The following GLIPR1L2 variants were observed in gnomAD, a reference collection of about 807,000 sequenced individuals.
GLIPR1L2 encodes GLIPR1-like protein 2.
GLIPR1L2 carries 21 observed loss-of-function variants against 28.4 expected under a neutral mutation model. The observed-to-expected ratio is 0.74, with a 90% CI of 0.52 to 1.06. The LOEUF (loss-of-function observed/expected upper bound fraction) is 1.06. Among genes scored for constraint, GLIPR1L2 ranks in the 50% least tolerant of loss-of-function variants. GLIPR1L2 has a pLI of 0.00. For synonymous variants in GLIPR1L2, 145 were observed against 139.3 expected, an observed-to-expected ratio of 1.04 and a Z score of -0.29; for missense variants, 476 against 416.9, an observed-to-expected ratio of 1.14 and a Z score of -1.23.
chr12:75,410,966 C>A (rs1249975626), intron 2 of GLIPR1L2, among the ~76,000 whole-genome samples: 1 of 151,646 alleles, frequency 6.6e-6, no homozygotes, highest in African/African-American at 2.4e-5. Context: ...GGAAAGAAAC[C>A]AGTAAATAAA....
rs983685383 is a variant in GLIPR1L2 at position 75,432,120 on chromosome 12, G to A, written c.*959G>A. The stretch of plus-strand genomic sequence containing the variant: ...TGTGAAGTACACTAAGCAAACACCT[G>A]AGGGAAAAACTTGATTCCCATGAAA... On this transcript the variant is annotated 3_prime_UTR_variant, in exon 6 of 6. Transcript: ENST00000550916. 2 of 152,112 alleles carry A rather than the reference G, an allele frequency of 1.3e-5. No individual in the cohort carries two copies. Among genetic ancestry groups the A allele is most frequent in the African/African-American group, 4.8e-5 (2 of 41,432 alleles). The allele number at this position is 152,112 out of a possible 1,614,324, so 9.4% of individuals were successfully genotyped here. A position where few individuals can be genotyped will look rare whatever the true frequency, so the allele number is the denominator to read the frequency against.
chr12:75,425,165 A>T (rs2046021473), intron 4 of GLIPR1L2, among the ~76,000 whole-genome samples: 1 of 152,134 alleles, frequency 6.6e-6, no homozygotes, highest in Non-Finnish European at 1.5e-5. Flanking sequence ...GGGATGACTC[A>T]GTATGTAGCA....
At position 75,413,665 on chromosome 12, in the gene GLIPR1L2, T is replaced by C; in HGVS notation, c.548T>C (p.Ile183Thr). 2 of 1,554,746 alleles carry C rather than the reference T, an allele frequency of 1.3e-6. No individual in the cohort carries two copies. The highest frequency in any genetic ancestry group is 8.7e-7 in the Non-Finnish European group (1 of 1,152,634). ...CCATGTTCAAAAATTGGACATATTA[T>C]ACATGCAGCAATTTTCATATGCAAC... ...VTPCSKIGHIIHAAIFICNYA... is the reference protein window; with the variant it reads ...VTPCSKIGHITHAAIFICNYA... Residue 183 changes from isoleucine (I) to threonine (T), a missense_variant, in exon 3 of 6, where the codon ATA (isoleucine) becomes ACA (threonine). Ile to Thr is a moderately conservative substitution (Grantham distance 89, BLOSUM62 -1). Coordinates refer to ENST00000550916, the MANE Select transcript of GLIPR1L2 (RefSeq NM_001270396.2).
At chr12:75,399,916 T>C (rs996779042) in intron 1 of GLIPR1L2, among the ~76,000 whole-genome samples, 1 of 152,164 alleles carries the variant, frequency 6.6e-6, no homozygotes, top group Non-Finnish European at 1.5e-5. Context: ...CCATTTCTGG[T>C]ATCTATCCTA....
chr12:75,410,752 A>G, intron 2 of GLIPR1L2, 73 bp downstream of exon 2: 1 of 1,105,878 alleles, frequency 9.0e-7, no homozygotes, highest in Non-Finnish European at 1.3e-6. Context: ...TTATGTTTCA[A>G]ATTTGTACAT....
intron 4 of GLIPR1L2, among the ~76,000 whole-genome samples, chr12:75,424,965 T>C (rs2046018850): frequency 6.6e-6 from 1 of 151,884 alleles, no homozygotes; most frequent in South Asian, 2.1e-4. Context: ...TGTTAGAGCC[T>C]AAACAGCATA....
chr12:75,400,294 T>G (rs2045726201), intron 1 of GLIPR1L2, among the ~76,000 whole-genome samples: 1 of 151,998 alleles, frequency 6.6e-6, no homozygotes, highest in African/African-American at 2.4e-5. Context: ...AATTTTTTTT[T>G]GTATTTTTTT....
chr12:75,418,211 C>T (rs146542225), intron 3 of GLIPR1L2, among the ~76,000 whole-genome samples: 6 of 152,080 alleles, frequency 3.9e-5, no homozygotes, highest in East Asian at 1.9e-4. Flanking sequence ...ATAAAGTTGG[C>T]GTTTAAAATC....
chr12:75,416,605 A>C (rs74108775), intron 3 of GLIPR1L2, among the ~76,000 whole-genome samples: 2 of 152,118 alleles, frequency 1.3e-5, no homozygotes, highest in Non-Finnish European at 2.9e-5. Context: ...CGCTGCTGAG[A>C]GAATGAGAAA....
chr12:75,430,932 T>C lies in GLIPR1L2; in HGVS notation c.806T>C (p.Ile269Thr), dbSNP rs1202426696. 5.2e-6 allele frequency: 8 copies of C among 1,535,566 alleles called. No individual in the cohort carries two copies. The highest frequency in any genetic ancestry group is 4.9e-5 in the East Asian group (2 of 40,902). ...LRILCFILCV[I>T]TVLIVQSQFP... ...ATATTATGTTTTATCCTGTGTGTCA[T>C]AACTGTTTTGATAGTACAGTCTCAG... Residue 269 changes from isoleucine to threonine, a missense_variant, in exon 6 of 6, where the codon ATA (isoleucine) becomes ACA (threonine). Transcript: ENST00000550916.
intron 2 of GLIPR1L2, 124 bp downstream of exon 2, chr12:75,410,803 A>G: frequency 2.8e-6 from 2 of 706,362 alleles, no homozygotes; most frequent in East Asian, 2.9e-5. Flanking sequence ...TAAGATCACA[A>G]TTTTAATCAA....
intron 2 of GLIPR1L2, 95 bp downstream of exon 2, chr12:75,410,774 A>G: frequency 1.1e-6 from 1 of 921,990 alleles, no homozygotes; most frequent in Non-Finnish European, 1.6e-6. Flanking sequence ...AACTCAAATA[A>G]TAAAATTATC....
intron 1 of GLIPR1L2, among the ~76,000 whole-genome samples, chr12:75,395,369 T>G (rs913081129): frequency 2.0e-5 from 3 of 152,022 alleles, no homozygotes; most frequent in East Asian, 1.9e-4. Flanking sequence ...TGAAGATTTT[T>G]ATATTAATAT....
intron 1 of GLIPR1L2, among the ~76,000 whole-genome samples, chr12:75,409,691 A>G (rs972509886): frequency 2.0e-5 from 3 of 146,778 alleles, no homozygotes; most frequent in Admixed American, 6.9e-5. Flanking sequence ...TAAGGTATAT[A>G]TCTAATCCGA....
At chr12:75,427,451 A>G (rs2139967412) in intron 4 of GLIPR1L2, among the ~76,000 whole-genome samples, 2 of 152,340 alleles carry the variant, frequency 1.3e-5, no homozygotes, top group East Asian at 3.9e-4. Context: ...AATAACGGCA[A>G]AGATCCAAAG....
intron 4 of GLIPR1L2, among the ~76,000 whole-genome samples, chr12:75,428,850 C>T (rs1322378453): frequency 2.6e-5 from 4 of 152,206 alleles, no homozygotes; most frequent in Admixed American, 6.5e-5. Flanking sequence ...CTTGGTAGCA[C>T]CTTGGCAGCA....
intron 3 of GLIPR1L2, among the ~76,000 whole-genome samples, chr12:75,421,961 C>A (rs2045980336): frequency 6.7e-6 from 1 of 149,324 alleles, no homozygotes; most frequent in Admixed American, 6.8e-5. Flanking sequence ...ATAAAAAATT[C>A]TATATCATTT....
intron 1 of GLIPR1L2, among the ~76,000 whole-genome samples, chr12:75,396,396 A>G (rs1184066205): frequency 2.0e-5 from 3 of 152,066 alleles, no homozygotes; most frequent in Non-Finnish European, 2.9e-5. Context: ...GCCCATTATA[A>G]TTATTTATGC....
rs764714259 is a variant in GLIPR1L2, at chr12:75,391,111, T to C, written c.-6T>C. 3 of 1,604,852 alleles carry C rather than the reference T, an allele frequency of 1.9e-6. No homozygotes were observed. Among genetic ancestry groups the C allele is most frequent in the Non-Finnish European group, 2.6e-6 (3 of 1,173,380 alleles). ...TGCGCACTGGCCTGTCAGCGGCCGG[T>C]GGACCATGGAGGCCGCAAGGCCCTT... On this transcript the variant is annotated 5_prime_UTR_variant, in exon 1 of 6. Coordinates refer to ENST00000550916, the MANE Select transcript of GLIPR1L2 (RefSeq NM_001270396.2).
Sources: gnomAD v4.1 joint callset for allele counts (sites outside exome capture counted in the v4.1 genomes callset) on GRCh38, gnomAD v4.1.1 for gene constraint, MANE v1.5 for transcripts, NCBI Gene and HGNC (gene_info 2026-07-23, HGNC 2026-07-21) for gene names.